BCAS4: variants seen among roughly 807,000 people sequenced by gnomAD.
BCAS4 encodes breast carcinoma amplified sequence 4, also known as breast carcinoma-amplified sequence 4.
BCAS4 carries 9 observed loss-of-function variants against 15.7 expected under a neutral mutation model. The ratio of observed to expected loss-of-function variants is 0.57; its 90% confidence interval spans 0.34 to 1.00. The LOEUF (loss-of-function observed/expected upper bound fraction) is 1.00. Ranked by LOEUF, BCAS4 falls within the 50% of genes least tolerant of loss-of-function variation. The probability of loss-of-function intolerance (pLI) is 0.02; values close to 1 mark genes in which losing one functional copy is unlikely to be tolerated. For missense variants in BCAS4, 225 were observed against 239.1 expected, an observed-to-expected ratio of 0.94 and a Z score of 0.39; for synonymous variants, 101 against 99.5, an observed-to-expected ratio of 1.02 and a Z score of -0.09.
chr20:50,855,196 G>C (rs940563514), intron 4 of BCAS4, among the ~76,000 whole-genome samples: 2 of 152,160 alleles, frequency 1.3e-5, no homozygotes, highest in Non-Finnish European at 2.9e-5. Context: ...AGCCCTGCTT[G>C]GTGGAGATTT....
chr20:50,821,250 A>G (rs2088212778), intron 2 of BCAS4, among the ~76,000 whole-genome samples: 1 of 152,266 alleles, frequency 6.6e-6, no homozygotes, highest in Non-Finnish European at 1.5e-5. Context: ...AAGAAATGGA[A>G]GAGAACATGC....
intron 1 of BCAS4, among the ~76,000 whole-genome samples, chr20:50,808,114 A>G (rs6063562): frequency 0.18 from 27,667 of 151,456 alleles, 3,258 homozygotes; most frequent in African/African-American, 0.34. Context: ...GGGTTTCACC[A>G]TGTTAGCCAG....
At chr20:50,865,150 C>T (rs997808539) in intron 4 of BCAS4, among the ~76,000 whole-genome samples, 5 of 152,140 alleles carry the variant, frequency 3.3e-5, no homozygotes, top group African/African-American at 4.8e-5. Context: ...TGATGAGACA[C>T]TTACAGTCAG....
chr20:50,860,518 C>T (rs771780986), intron 4 of BCAS4, among the ~76,000 whole-genome samples: 26 of 152,142 alleles, frequency 1.7e-4, no homozygotes, highest in Non-Finnish European at 3.7e-4. Flanking sequence ...CAGTCTGTGA[C>T]CCTTTGGGAT....
At position 50,863,501 on chromosome 20, in the gene BCAS4, G is replaced by A. The variant is rs989618678; in HGVS notation, c.400-12985G>A. On this transcript the variant is annotated intron_variant, in intron 4 of 4. Coordinates refer to ENST00000371608, the MANE Select transcript of BCAS4 (RefSeq NM_198799.4). ...TTGAACTCCTGACCTCAAGCGATACGCCTGTCTCGGCCTCCTAAAGTGCTG... is the reference window on the plus strand; with the variant it reads ...TTGAACTCCTGACCTCAAGCGATACACCTGTCTCGGCCTCCTAAAGTGCTG... Among the ~76,000 whole-genome samples, 7 of 152,146 alleles carry A rather than the reference G, an allele frequency of 4.6e-5. No homozygotes were observed. In the South Asian group the frequency reaches 1.0e-3, roughly 23 times the overall value.
intron 1 of BCAS4, among the ~76,000 whole-genome samples, chr20:50,809,447 G>C (rs1188626875): frequency 6.6e-6 from 1 of 152,064 alleles, no homozygotes; most frequent in African/African-American, 2.4e-5. Flanking sequence ...GATCTCAAGC[G>C]ATCCACCCGC....
chr20:50,873,178 C>G lies in BCAS4; in HGVS notation c.400-3308C>G, dbSNP rs1475088175. Among the ~76,000 whole-genome samples the G allele has an allele frequency of 3.9e-5, 6 of 152,342 alleles. No homozygotes were observed. In the South Asian group the frequency reaches 6.2e-4, roughly 16 times the overall value. On this transcript the variant is annotated intron_variant, in intron 4 of 4. Transcript: ENST00000371608. ...AGCTGCCGGCGGCCTCTCGCCACTC[C>G]CTCTCCTTGGCTTCTTCATAATGAT...
In BCAS4 at chr20:50,851,558, G is replaced by A. The variant is rs1002560518; in HGVS notation, c.399+9658G>A. 5.3e-5 allele frequency among the ~76,000 whole-genome samples: 8 copies of A among 152,092 alleles called. No individual in the cohort carries two copies. The highest frequency in any genetic ancestry group is 1.7e-4 in the African/African-American group (7 of 41,376). On this transcript the variant is annotated intron_variant, in intron 4 of 4. Coordinates refer to ENST00000371608, the MANE Select transcript of BCAS4 (RefSeq NM_198799.4). This position sits in a 1 kb window ranked among gnomAD's most constrained non-coding sequence, Gnocchi z 4.3. ...ACAAGAAGTTTTCATTTTTGGGGGG[G>A]TGCTGTTTGTTGGGCCCTATGTGGA...
chr20:50,806,860 TA>T (rs2087996006), intron 1 of BCAS4, among the ~76,000 whole-genome samples: 1 of 142,208 alleles, frequency 7.0e-6, no homozygotes, highest in Non-Finnish European at 1.5e-5. Flanking sequence ...AGTCCATTTA[TA>T]CTTTTTTTTT....
chr20:50,861,691 T>TC (rs1264284672), intron 4 of BCAS4, among the ~76,000 whole-genome samples: 4 of 150,820 alleles, frequency 2.7e-5, no homozygotes, highest in Non-Finnish European at 4.4e-5. Context: ...CTTTCCCATC[T>TC]CCCCCCGCTC....
intron 3 of BCAS4, among the ~76,000 whole-genome samples, chr20:50,840,100 C>T (rs902146212): frequency 2.0e-5 from 3 of 152,176 alleles, no homozygotes; most frequent in African/African-American, 7.2e-5. Context: ...GTCTTAAATT[C>T]CTGGCCTCAA....
chr20:50,813,413 A>G (rs977929223), intron 1 of BCAS4, among the ~76,000 whole-genome samples: 1 of 152,216 alleles, frequency 6.6e-6, no homozygotes, highest in Non-Finnish European at 1.5e-5. Flanking sequence ...GGAAGCTGGG[A>G]CCAGCGAGCA....
At chr20:50,852,828 C>T (rs1978512591) in intron 4 of BCAS4, among the ~76,000 whole-genome samples, 1 of 152,230 alleles carries the variant, frequency 6.6e-6, no homozygotes, top group Non-Finnish European at 1.5e-5. Flanking sequence ...TCTGCAGTGA[C>T]CGGGCAGCAC....
intron 3 of BCAS4, among the ~76,000 whole-genome samples, chr20:50,841,161 G>A (rs1368288087): frequency 1.3e-5 from 2 of 152,166 alleles, no homozygotes; most frequent in African/African-American, 2.4e-5. Context: ...CTGCACTTGA[G>A]GCCTGGAGCT....
At chr20:50,842,851 G>C (rs970314330) in intron 4 of BCAS4, among the ~76,000 whole-genome samples, 1 of 152,224 alleles carries the variant, frequency 6.6e-6, no homozygotes, top group African/African-American at 2.4e-5. Flanking sequence ...ACCTAGCGGG[G>C]CCTCTTGTGG....
intron 1 of BCAS4, among the ~76,000 whole-genome samples, chr20:50,798,030 T>C (rs2087887445): frequency 6.6e-6 from 1 of 151,892 alleles, no homozygotes; most frequent in Non-Finnish European, 1.5e-5. Flanking sequence ...GCACCATGGC[T>C]CATACCTGTA....
At chr20:50,872,774 G>A (rs1054997450) in intron 4 of BCAS4, among the ~76,000 whole-genome samples, 1 of 152,218 alleles carries the variant, frequency 6.6e-6, no homozygotes, top group African/African-American at 2.4e-5. Context: ...CCAAAGAGCT[G>A]TGGGTTACTC....
chr20:50,828,633 C>T (rs552620455), intron 2 of BCAS4, among the ~76,000 whole-genome samples: 25 of 152,182 alleles, frequency 1.6e-4, no homozygotes, highest in South Asian at 1.0e-3. Flanking sequence ...ACAAAAACTA[C>T]GCAGGCATGG....
chr20:50,822,463 A>C (rs959550739), intron 2 of BCAS4, among the ~76,000 whole-genome samples: 1 of 152,192 alleles, frequency 6.6e-6, no homozygotes, highest in African/African-American at 2.4e-5. Flanking sequence ...ACTGTAAGGA[A>C]TAGATGAGGC....
Sources: allele counts gnomAD v4.1 joint callset (sites outside exome capture counted in the v4.1 genomes callset), GRCh38; gene constraint gnomAD v4.1.1; non-coding constraint Gnocchi (gnomAD v3.1); transcripts MANE v1.5; gene names NCBI Gene and HGNC (gene_info 2026-07-23, HGNC 2026-07-21).